Variants in CREBL2 observed in about 807,000 individuals in gnomAD.
CREBL2 encodes cAMP responsive element binding protein like 2.
CREBL2 carries 4 observed loss-of-function variants against 19.5 expected under a neutral mutation model. The observed-to-expected ratio is 0.20, with a 90% CI of 0.10 to 0.47. The LOEUF (loss-of-function observed/expected upper bound fraction) is 0.47. CREBL2 is among the 20% of genes least tolerant of loss of function. The pLI, the probability that CREBL2 is intolerant of heterozygous loss-of-function variation, is 0.98. For missense variants in CREBL2, 85 were observed against 145.1 expected, an observed-to-expected ratio of 0.59 and a Z score of 2.13; for synonymous variants, 42 against 46.6, an observed-to-expected ratio of 0.90 and a Z score of 0.40.
intron 1 of CREBL2, among the ~76,000 whole-genome samples, chr12:12,618,520 G>A (rs139284488): frequency 0.039 from 5,890 of 151,718 alleles, 228 homozygotes; most frequent in Admixed American, 0.14. Flanking sequence ...GATGGCGGCC[G>A]GGAAGAGGCG....
chr12:12,623,769 C>G (rs1163536412), intron 1 of CREBL2, among the ~76,000 whole-genome samples: 1 of 152,154 alleles, frequency 6.6e-6, no homozygotes, highest in African/African-American at 2.4e-5. Context: ...TGAATATTAC[C>G]TTGTATGGCA....
intron 1 of CREBL2, among the ~76,000 whole-genome samples, chr12:12,622,550 G>A (rs942469959): frequency 1.3e-5 from 2 of 152,332 alleles, no homozygotes; most frequent in South Asian, 2.1e-4. Context: ...GATAGGGGTT[G>A]AGAGAGGAGA....
chr12:12,612,314 T>A, intron 1 of CREBL2, 127 bp downstream of exon 1: 3 of 1,525,604 alleles, frequency 2.0e-6, no homozygotes, highest in Non-Finnish European at 2.7e-6. Flanking sequence ...CCTGCGCCTC[T>A]CCAGTCCACT....
Position 12,644,750 on chromosome 12 carries a change from A to G in CREBL2, c.*2752A>G, listed in dbSNP as rs898504118. 1.3e-5 allele frequency: 2 copies of G among 152,658 alleles called. No individual in the cohort carries two copies. The highest frequency in any genetic ancestry group is 1.5e-5 in the Non-Finnish European group (1 of 68,046). 9.5% of individuals were successfully genotyped at this position (152,658 alleles called of 1,614,324 possible). On this transcript the variant is annotated 3_prime_UTR_variant, in exon 4 of 4. Transcript: ENST00000228865. The stretch of plus-strand genomic sequence containing the variant: ...CTAATTGACAGTATTTCTCAGCATC[A>G]CTATGTAGCATTCTGTTTTAGCATC...
chr12:12,617,114 G>T (rs1177023658), intron 1 of CREBL2, among the ~76,000 whole-genome samples: 1 of 152,178 alleles, frequency 6.6e-6, no homozygotes, highest in African/African-American at 2.4e-5. Context: ...TTTGAATGGG[G>T]AATAGCTTTG....
chr12:12,628,657 C>A (rs2136303513), intron 1 of CREBL2, among the ~76,000 whole-genome samples: 1 of 152,162 alleles, frequency 6.6e-6, no homozygotes, highest in Admixed American at 6.5e-5. Flanking sequence ...GTCATCTAGG[C>A]CGGACTGCAG....
chr12:12,641,872 T>C, intron 3 of CREBL2, 122 bp from the exon 4 acceptor site: 1 of 497,314 alleles, frequency 2.0e-6, no homozygotes, highest in East Asian at 3.4e-5. Context: ...AGTCTGTATT[T>C]TTAAAAATTA....
At chr12:12,641,263 A>ATTATTAT (rs1566117110) in intron 3 of CREBL2, among the ~76,000 whole-genome samples, 103 of 85,912 alleles carry the variant, frequency 1.2e-3, no homozygotes, top group African/African-American at 4.3e-3. Flanking sequence ...ATTTTTTTTT[A>ATTATTAT]TTTTTTTTTT....
chr12:12,630,121 G>T (rs937902496), intron 1 of CREBL2, among the ~76,000 whole-genome samples: 9 of 152,234 alleles, frequency 5.9e-5, no homozygotes, highest in Admixed American at 2.6e-4. Flanking sequence ...CGTGGAGTAA[G>T]TTGAAATAAG....
chr12:12,618,195 G>C (rs1429724124), intron 1 of CREBL2, among the ~76,000 whole-genome samples: 1 of 150,850 alleles, frequency 6.6e-6, no homozygotes, highest in African/African-American at 2.5e-5. Flanking sequence ...CCTCCCAGAC[G>C]GGGCGGCTGC....
intron 1 of CREBL2, among the ~76,000 whole-genome samples, chr12:12,625,019 T>C (rs1007699294): frequency 2.0e-5 from 3 of 152,166 alleles, no homozygotes; most frequent in African/African-American, 7.2e-5. Context: ...CGTCAAGCCA[T>C]TCCTCTGAAG....
chr12:12,632,140 G>T (rs936840982), intron 1 of CREBL2, among the ~76,000 whole-genome samples: 1 of 132,418 alleles, frequency 7.6e-6, no homozygotes, highest in African/African-American at 2.8e-5. Context: ...TGCAGTGGCG[G>T]GATCTCGGCT....
At chr12:12,617,527 A>G (rs1016404989) in intron 1 of CREBL2, among the ~76,000 whole-genome samples, 4 of 152,080 alleles carry the variant, frequency 2.6e-5, no homozygotes, top group African/African-American at 9.7e-5. Context: ...GCTCTAGTAC[A>G]GACTCTAACA....
At position 12,643,762 on chromosome 12, in the gene CREBL2, T is replaced by C. The variant is rs139822805; in HGVS notation, c.*1764T>C. ...TCTCTATGTTTTGGAAGTTGGGGGT[T>C]TAATAATATTTAATGTCTTTTTAGG... On this transcript the variant is annotated 3_prime_UTR_variant, in exon 4 of 4. Transcript: ENST00000228865. The C allele has an allele frequency of 6.6e-6, 1 of 152,318 alleles. No homozygotes were observed. Among genetic ancestry groups the C allele is most frequent in the African/African-American group, 2.4e-5 (1 of 41,550 alleles). The allele number at this position is 152,318 out of a possible 1,614,324, so 9.4% of individuals were successfully genotyped here.
chr12:12,627,843 T>A (rs1352674944), intron 1 of CREBL2, among the ~76,000 whole-genome samples: 1 of 152,230 alleles, frequency 6.6e-6, no homozygotes, highest in Non-Finnish European at 1.5e-5. Context: ...CACAGCAATG[T>A]ATGAGGATTT....
intron 1 of CREBL2, among the ~76,000 whole-genome samples, chr12:12,613,545 G>C (rs535383228): frequency 2.6e-5 from 4 of 152,240 alleles, no homozygotes; most frequent in Admixed American, 2.6e-4. Context: ...CATGTAGAAG[G>C]CTGTGAGGAA....
chr12:12,618,725 C>T (rs937008829), intron 1 of CREBL2, among the ~76,000 whole-genome samples: 1 of 152,228 alleles, frequency 6.6e-6, no homozygotes, highest in East Asian at 1.9e-4. Context: ...CGCCACTGCA[C>T]TCCAGCCTGG....
chr12:12,641,247 A>ATTTTTTT (rs1380373401), intron 3 of CREBL2, among the ~76,000 whole-genome samples: 22 of 22,058 alleles, frequency 1.0e-3, no homozygotes, highest in African/African-American at 1.1e-3. Flanking sequence ...TATTATTATT[A>ATTTTTTT]TTATTATTTT....
chr12:12,619,041 CGGGAGA>C lies in CREBL2; in HGVS notation c.15+6869_15+6874del, dbSNP rs1049381672. On this transcript the variant is annotated intron_variant, in intron 1 of 3. Coordinates refer to ENST00000228865, the MANE Select transcript of CREBL2 (RefSeq NM_001310.4). ...GAGGGAGACCGTGGAAAGTGGGAGA[CGGGAGA>C]GGGAGAGGGAGAGGAGGGAGAGGGA... Among the ~76,000 whole-genome samples, 60 of 150,294 alleles carry C rather than the reference CGGGAGA, an allele frequency of 4.0e-4. 1 individual carries two copies. In the South Asian group the frequency reaches 4.2e-3, roughly 11 times the overall value.
Sources: allele counts gnomAD v4.1 joint callset (sites outside exome capture counted in the v4.1 genomes callset), GRCh38; gene constraint gnomAD v4.1.1; transcripts MANE v1.5; gene names NCBI Gene and HGNC (gene_info 2026-07-23, HGNC 2026-07-21).